The following NEDD4L variants were observed in gnomAD, a reference collection of about 807,000 sequenced individuals.
NEDD4L encodes the protein E3 ubiquitin-protein ligase NEDD4-like.
In NEDD4L, 54 loss-of-function variants were observed where a neutral mutation model predicts 148.9. That is an observed-to-expected ratio of 0.36 (90% CI 0.29 to 0.45). NEDD4L has a LOEUF of 0.45. Among genes scored for constraint, NEDD4L ranks in the 20% least tolerant of loss-of-function variants. The probability of loss-of-function intolerance (pLI) is 1.00; values close to 1 mark genes in which losing one functional copy is unlikely to be tolerated. For missense variants in NEDD4L, 856 were observed against 1,233.8 expected (o/e 0.69, Z 4.59); for synonymous variants, 433 against 440.7 (o/e 0.98, Z 0.22).
intron 1 of NEDD4L, among the ~76,000 whole-genome samples, chr18:58,090,502 G>A (rs914522365): frequency 2.6e-5 from 4 of 152,004 alleles, no homozygotes; most frequent in African/African-American, 7.2e-5. Context: ...TGTTTTTAAC[G>A]GAGTTTCACT....
chr18:58,277,777 T>C (rs2052362747), intron 5 of NEDD4L, among the ~76,000 whole-genome samples: 2 of 152,240 alleles, frequency 1.3e-5, no homozygotes, highest in African/African-American at 4.8e-5. Flanking sequence ...TTTTACATTT[T>C]GAGATTCTGT....
At chr18:58,312,774 G>A (rs534051399) in intron 5 of NEDD4L, among the ~76,000 whole-genome samples, 6 of 152,270 alleles carry the variant, frequency 3.9e-5, no homozygotes, top group East Asian at 3.9e-4. Context: ...TCCGCCTCCC[G>A]GGTTCAAGCG....
At chr18:58,359,206 CTG>C (rs1051445120) in intron 19 of NEDD4L, among the ~76,000 whole-genome samples, 3 of 152,120 alleles carry the variant, frequency 2.0e-5, no homozygotes, top group African/African-American at 4.8e-5. Context: ...TTCTCTTTCT[CTG>C]TTCGTATTTG....
At chr18:58,050,000 G>C (rs1302234002) in intron 1 of NEDD4L, among the ~76,000 whole-genome samples, 3 of 125,622 alleles carry the variant, frequency 2.4e-5, no homozygotes, top group Admixed American at 1.6e-4. Flanking sequence ...AAAAAAAAAA[G>C]ACTAATGAAT....
chr18:58,146,975 G>A (rs2034160789), intron 1 of NEDD4L, among the ~76,000 whole-genome samples: 1 of 152,180 alleles, frequency 6.6e-6, no homozygotes, highest in African/African-American at 2.4e-5. Flanking sequence ...GGTAAGGGTG[G>A]GATGAGCTGG....
chr18:58,201,196 G>T (rs1202640762), intron 2 of NEDD4L, among the ~76,000 whole-genome samples: 1 of 152,252 alleles, frequency 6.6e-6, no homozygotes, highest in East Asian at 1.9e-4. Flanking sequence ...AGCCAGGCAT[G>T]GTGGTGCCTG....
Position 58,385,508 on chromosome 18 carries a change from T to C in NEDD4L, c.2427-18T>C. ...TGATGATGGAGGTGGTTCAATATTG[T>C]CCTCTTTTCTCCTGCAGCTTAGTCA... On this transcript the variant is annotated intron_variant, in intron 25 of 30. Transcript: ENST00000400345. 6.2e-7 allele frequency: 1 copy of C among 1,606,822 alleles called. No homozygotes were observed. Among genetic ancestry groups the C allele is most frequent in the African/African-American group, 1.3e-5 (1 of 74,884 alleles).
At chr18:58,216,999 CA>C (rs1291067505) in intron 2 of NEDD4L, among the ~76,000 whole-genome samples, 1 of 152,186 alleles carries the variant, frequency 6.6e-6, no homozygotes, top group Non-Finnish European at 1.5e-5. Context: ...GGGGTCTTTT[CA>C]AATGCTTTGA....
chr18:58,323,295 T>A lies in NEDD4L; in HGVS notation c.474T>A (p.Gly158=), dbSNP rs1030664870. ...TGGCCTATATGCCAAAAAATGGAGG[T>A]CAAGATGAAGAAAACAGTGACCAGA... ...LKMAYMPKNG[G]QDEENSDQRD... is the part of the protein sequence containing the mutation. Residue 158 remains glycine (G), a synonymous_variant, in exon 8 of 31, where the codon GGT becomes GGA. Transcript: ENST00000400345. The A allele has an allele frequency of 2.5e-6, 4 of 1,601,414 alleles. No homozygotes were observed. The African/African-American group carries it at 5.4e-5, about 21-fold the overall frequency.
chr18:58,308,477 AGCTCTG>A (rs2057313165), intron 5 of NEDD4L, among the ~76,000 whole-genome samples: 1 of 152,272 alleles, frequency 6.6e-6, no homozygotes, highest in East Asian at 1.9e-4. Flanking sequence ...AAGCATGACA[AGCTCTG>A]GCTTCTTCCC....
At chr18:58,119,517 C>G (rs879586817) in intron 1 of NEDD4L, among the ~76,000 whole-genome samples, 5 of 152,220 alleles carry the variant, frequency 3.3e-5, no homozygotes, top group Non-Finnish European at 7.3e-5. Flanking sequence ...CACCTTTACC[C>G]CGATCCACTG....
At chr18:58,088,569 A>G (rs1234404644) in intron 1 of NEDD4L, among the ~76,000 whole-genome samples, 2 of 152,210 alleles carry the variant, frequency 1.3e-5, no homozygotes, top group African/African-American at 2.4e-5. Flanking sequence ...AGTATTATGT[A>G]TATGCCCTCT....
chr18:58,322,750 T>C (rs2058932228), intron 7 of NEDD4L, among the ~76,000 whole-genome samples: 1 of 127,850 alleles, frequency 7.8e-6, no homozygotes, highest in Non-Finnish European at 1.6e-5. Flanking sequence ...TGGGTGTAGG[T>C]GGGGATGCCT....
intron 11 of NEDD4L, 76 bp downstream of exon 11, chr18:58,330,990 C>T (rs1384766296): frequency 1.7e-5 from 24 of 1,439,234 alleles, no homozygotes; most frequent in Non-Finnish European, 1.9e-5. Flanking sequence ...GAATCTCTTA[C>T]GTAAATAGTG....
intron 1 of NEDD4L, among the ~76,000 whole-genome samples, chr18:58,048,712 GT>G (rs2081713792): frequency 6.6e-6 from 1 of 152,120 alleles, no homozygotes; most frequent in African/African-American, 2.4e-5. Flanking sequence ...TCTCTAGAGT[GT>G]TTTAAAGCTT....
At chr18:58,299,513 A>G (rs2056170380) in intron 5 of NEDD4L, among the ~76,000 whole-genome samples, 1 of 152,264 alleles carries the variant, frequency 6.6e-6, no homozygotes, top group Admixed American at 6.5e-5. Context: ...ACCTTTGTGT[A>G]TACTAAATGT....
chr18:58,108,239 C>T (rs2085195503), intron 1 of NEDD4L, among the ~76,000 whole-genome samples: 1 of 152,158 alleles, frequency 6.6e-6, no homozygotes, highest in Non-Finnish European at 1.5e-5. Flanking sequence ...GCCTCATGTA[C>T]TAGGCACGAA....
intron 2 of NEDD4L, among the ~76,000 whole-genome samples, chr18:58,186,233 T>C (rs1468736065): frequency 6.6e-6 from 1 of 152,228 alleles, no homozygotes; most frequent in Non-Finnish European, 1.5e-5. Flanking sequence ...TCCCTTCTCC[T>C]TCTCTCCCCC....
At chr18:58,260,025 G>A (rs1323299645) in intron 5 of NEDD4L, among the ~76,000 whole-genome samples, 2 of 151,978 alleles carry the variant, frequency 1.3e-5, no homozygotes, top group Non-Finnish European at 2.9e-5. Context: ...AAAATAACTC[G>A]AGTATCCAAT....
Sources: allele counts gnomAD v4.1 joint callset (sites outside exome capture counted in the v4.1 genomes callset), GRCh38; gene constraint gnomAD v4.1.1; transcripts MANE v1.5; gene names NCBI Gene and HGNC (gene_info 2026-07-23, HGNC 2026-07-21).